Variants in FAM168B observed in about 807,000 individuals in gnomAD.
FAM168B encodes family with sequence similarity 168 member B.
FAM168B carries 19 observed loss-of-function variants against 21.8 expected under a neutral mutation model. The observed-to-expected ratio is 0.87, with a 90% CI of 0.61 to 1.28. The LOEUF is 1.28. Among genes scored for constraint, FAM168B ranks in the 50% most tolerant of loss-of-function variants. FAM168B has a pLI of 0.00. For synonymous variants in FAM168B, 126 were observed against 104.8 expected, an observed-to-expected ratio of 1.20 and a Z score of -1.24; for missense variants, 233 against 263.1, an observed-to-expected ratio of 0.89 and a Z score of 0.79.
intron 3 of FAM168B, among the ~76,000 whole-genome samples, chr2:131,059,742 T>C (rs1002691466): frequency 6.6e-6 from 1 of 152,142 alleles, no homozygotes; most frequent in Admixed American, 6.5e-5. Context: ...AAAACATTCA[T>C]GACAGATAAC....
chr2:131,093,194 C>T lies in FAM168B; in HGVS notation c.-12+20G>A, dbSNP rs1476985039. 2 of 150,664 alleles carry T rather than the reference C, an allele frequency of 1.3e-5. No homozygotes were observed. The highest frequency in any genetic ancestry group is 2.4e-5 in the African/African-American group (1 of 41,386). 9.3% of individuals were successfully genotyped at this position (150,664 alleles called of 1,614,324 possible). ...CTTCCGGCCTGGACGCGCAGTCGCC[C>T]GCTGCCCGCCCCCACTCACCGCGCC... is the stretch of plus-strand genomic sequence containing the variant. On this transcript the variant is annotated intron_variant, in intron 1 of 6. Transcript: ENST00000389915.
At chr2:131,055,915 G>A (rs1411806847) in intron 3 of FAM168B, among the ~76,000 whole-genome samples, 1 of 152,098 alleles carries the variant, frequency 6.6e-6, no homozygotes, top group East Asian at 1.9e-4. Flanking sequence ...TTGGGGAGGA[G>A]GAAAAAATAC....
intron 2 of FAM168B, among the ~76,000 whole-genome samples, chr2:131,073,059 CT>C (rs1024852480): frequency 4.6e-5 from 7 of 152,044 alleles, no homozygotes; most frequent in African/African-American, 1.7e-4. Flanking sequence ...CTGTTTTAAA[CT>C]TCTAAATTCA....
Position 131,051,219 on chromosome 2 carries a change from CCT to C in FAM168B, c.*1244_*1245del. 1.0e-6 allele frequency: 1 copy of C among 985,006 alleles called. No individual in the cohort carries two copies. The highest frequency in any genetic ancestry group is 1.2e-6 in the Non-Finnish European group (1 of 829,850). The allele number at this position is 985,006 out of a possible 1,614,324, so 61.0% of individuals were successfully genotyped here. ...CCCCTCGCCCCATCTCTAAGCGTCC[CCT>C]CCAGCCGGCCTCAGCAGACAAGTCA... On this transcript the variant is annotated 3_prime_UTR_variant, in exon 7 of 7. Transcript: ENST00000389915.
intron 1 of FAM168B, 37 bp from the exon 2 acceptor site, chr2:131,082,694 T>C: frequency 2.8e-6 from 4 of 1,447,884 alleles, no homozygotes; most frequent in South Asian, 1.3e-5. Context: ...CAAGCACTTT[T>C]GCTCTCAGAT....
At chr2:131,069,029 G>A (rs1646027954) in intron 3 of FAM168B, among the ~76,000 whole-genome samples, 1 of 152,110 alleles carries the variant, frequency 6.6e-6, no homozygotes, top group Admixed American at 6.6e-5. Context: ...ATAATAATGA[G>A]ATGGGTGGCC....
intron 5 of FAM168B, among the ~76,000 whole-genome samples, chr2:131,054,250 AGAAAT>A (rs1221577661): frequency 2.0e-5 from 3 of 151,506 alleles, no homozygotes; most frequent in Non-Finnish European, 2.9e-5. Context: ...AAAAAAAAAA[AGAAAT>A]GAGGATTCTA....
chr2:131,064,630 G>C (rs1197981092), intron 3 of FAM168B, among the ~76,000 whole-genome samples: 1 of 152,170 alleles, frequency 6.6e-6, no homozygotes, highest in Non-Finnish European at 1.5e-5. Context: ...TCTCAAAATT[G>C]TGACTTTTCC....
intron 3 of FAM168B, among the ~76,000 whole-genome samples, chr2:131,057,015 G>A (rs1015108984): frequency 2.0e-5 from 3 of 152,142 alleles, no homozygotes; most frequent in Non-Finnish European, 2.9e-5. Context: ...TGTACACTGA[G>A]AAGGATTAAC....
rs1376619292 is a variant in FAM168B, at chr2:131,052,239, A to C, written c.*226T>G. On this transcript the variant is annotated 3_prime_UTR_variant, in exon 7 of 7. Coordinates refer to ENST00000389915, the MANE Select transcript of FAM168B (RefSeq NM_001009993.4). ...TTTTTATCATTACAGTTAGCTAAAA[A>C]ATTGCCAGGCAGTCCACAAAACAGA... is the stretch of plus-strand genomic sequence containing the variant. 1.0e-6 allele frequency: 1 copy of C among 985,768 alleles called. No individual in the cohort carries two copies. Among genetic ancestry groups the C allele is most frequent in the African/African-American group, 1.7e-5 (1 of 57,246 alleles). 61.1% of individuals were successfully genotyped at this position (985,768 alleles called of 1,614,324 possible).
At chr2:131,064,321 A>G (rs368728045) in intron 3 of FAM168B, among the ~76,000 whole-genome samples, 6 of 152,176 alleles carry the variant, frequency 3.9e-5, no homozygotes, top group African/African-American at 1.4e-4. Context: ...TAGAAAATTT[A>G]AAAAATTCAG....
chr2:131,091,487 A>G (rs1694027489), intron 1 of FAM168B, among the ~76,000 whole-genome samples: 2 of 151,286 alleles, frequency 1.3e-5, no homozygotes, highest in South Asian at 4.2e-4. Flanking sequence ...CTCTACTAAA[A>G]ATACAAAAAA....
At chr2:131,089,602 A>G (rs1343393851) in intron 1 of FAM168B, among the ~76,000 whole-genome samples, 2 of 151,534 alleles carry the variant, frequency 1.3e-5, no homozygotes, top group African/African-American at 4.8e-5. Flanking sequence ...AGCCACTCAC[A>G]ACTACTTGGG....
intron 3 of FAM168B, among the ~76,000 whole-genome samples, chr2:131,069,499 G>GT (rs1156658951): frequency 1.7e-3 from 245 of 145,950 alleles, no homozygotes; most frequent in Admixed American, 2.8e-3. Flanking sequence ...TTTCTCTTTT[G>GT]TTTTTTTTTT....
chr2:131,048,108 A>C lies in FAM168B; in HGVS notation c.*4357T>G, dbSNP rs535157387. 93 of 1,081,570 alleles carry C rather than the reference A, an allele frequency of 8.6e-5. 1 individual carries two copies. Among genetic ancestry groups the C allele is most frequent in the Non-Finnish European group, 1.0e-4 (87 of 833,298 alleles). 67.0% of individuals were successfully genotyped at this position (1,081,570 alleles called of 1,614,324 possible). A position where few individuals can be genotyped will look rare whatever the true frequency, so the allele number is the denominator to read the frequency against. ...TGAGGGATGCCTTTAACACTGGAAG[A>C]CAATGCTGACTTAGCTTAAAAAAAG... On this transcript the variant is annotated 3_prime_UTR_variant, in exon 7 of 7. Coordinates refer to ENST00000389915, the MANE Select transcript of FAM168B (RefSeq NM_001009993.4).
intron 3 of FAM168B, among the ~76,000 whole-genome samples, chr2:131,056,787 C>CA (rs1692044616): frequency 6.6e-6 from 1 of 152,112 alleles, no homozygotes; most frequent in Non-Finnish European, 1.5e-5. Context: ...GAATGAATCA[C>CA]AAAGCCACAC....
chr2:131,089,239 T>G (rs949954932), intron 1 of FAM168B, among the ~76,000 whole-genome samples: 2 of 151,488 alleles, frequency 1.3e-5, no homozygotes, highest in African/African-American at 4.8e-5. Flanking sequence ...GTGCTGGGAT[T>G]ACAGGCGTGA....
chr2:131,062,142 A>T (rs991883329), intron 3 of FAM168B, among the ~76,000 whole-genome samples: 1 of 152,216 alleles, frequency 6.6e-6, no homozygotes, highest in Non-Finnish European at 1.5e-5. Context: ...AACTGCAGAA[A>T]GAGCTCAGAG....
intron 1 of FAM168B, among the ~76,000 whole-genome samples, chr2:131,091,539 C>G (rs1322509445): frequency 6.7e-6 from 1 of 149,984 alleles, no homozygotes; most frequent in Admixed American, 6.7e-5. Flanking sequence ...CCCAGCTACT[C>G]GGGAGGCTGA....
Sources: allele counts gnomAD v4.1 joint callset (sites outside exome capture counted in the v4.1 genomes callset), GRCh38; gene constraint gnomAD v4.1.1; transcripts MANE v1.5; gene names NCBI Gene and HGNC (gene_info 2026-07-23, HGNC 2026-07-21).